The following TOX variants were observed in gnomAD, a reference collection of about 807,000 sequenced individuals.
TOX encodes thymocyte selection-associated high mobility group box protein TOX.
TOX carries 11 observed loss-of-function variants against 53.7 expected under a neutral mutation model. The observed-to-expected ratio is 0.20, with a 90% CI of 0.13 to 0.34. The LOEUF (loss-of-function observed/expected upper bound fraction) is 0.34, where lower values mean the gene tolerates loss of function less well. Ranked by LOEUF, TOX falls within the 10% of genes least tolerant of loss-of-function variation. The pLI, the probability that TOX is intolerant of heterozygous loss-of-function variation, is 1.00. For missense variants in TOX, 570 were observed against 664.6 expected (o/e 0.86, Z 1.56); for synonymous variants, 225 against 245.3 (o/e 0.92, Z 0.77).
chr8:58,829,640 T>C (rs1810420490), intron 5 of TOX, among the ~76,000 whole-genome samples: 1 of 152,132 alleles, frequency 6.6e-6, no homozygotes, highest in South Asian at 2.1e-4. Context: ...ACCTCAATCT[T>C]TGAGAACTAC....
chr8:58,891,941 C>T (rs11784291), intron 3 of TOX, among the ~76,000 whole-genome samples: 2 of 152,024 alleles, frequency 1.3e-5, no homozygotes, highest in Non-Finnish European at 2.9e-5. Context: ...GTCAGCTACT[C>T]GCATCACCCG....
At chr8:58,885,688 C>T (rs2129171325) in intron 3 of TOX, among the ~76,000 whole-genome samples, 1 of 152,232 alleles carries the variant, frequency 6.6e-6, no homozygotes, top group African/African-American at 2.4e-5. Flanking sequence ...CACATAAGTC[C>T]ATGGTGGACA....
rs1491038466 is a variant in TOX at position 58,963,316 on chromosome 8, TAG to T, written c.103-3310_103-3309del. On this transcript the variant is annotated intron_variant, in intron 1 of 8. Transcript: ENST00000361421. ...GAAGATAGATAGATAGATATATATA[TAG>T]ATAGATAGATAGATAGATAGATAGG... Among the ~76,000 whole-genome samples, 257 of 141,238 alleles carry T rather than the reference TAG, an allele frequency of 1.8e-3. 1 individual carries two copies. Among genetic ancestry groups the T allele is most frequent in the African/African-American group, 5.9e-3 (228 of 38,612 alleles). 92.7% of individuals were successfully genotyped at this position (141,238 alleles called of 152,430 possible).
chr8:58,959,848 C>A, intron 2 of TOX, 95 bp downstream of exon 2: 3 of 1,232,614 alleles, frequency 2.4e-6, no homozygotes, highest in East Asian at 4.7e-5. Flanking sequence ...TTCCTGATTG[C>A]GGCAGTTACT....
intron 1 of TOX, among the ~76,000 whole-genome samples, chr8:59,082,517 C>T (rs1804427871): frequency 1.3e-5 from 2 of 152,212 alleles, no homozygotes; most frequent in African/African-American, 4.8e-5. Flanking sequence ...GCCCATATGT[C>T]CTTTACATCT....
chr8:58,960,130 G>A (rs1585925540), intron 1 of TOX, 122 bp from the exon 2 acceptor site: 2 of 1,034,134 alleles, frequency 1.9e-6, no homozygotes, highest in Non-Finnish European at 2.9e-6. Flanking sequence ...AAATACTGCG[G>A]CTGGGACTAT....
chr8:59,021,935 T>C (rs1814144213), intron 1 of TOX, among the ~76,000 whole-genome samples: 2 of 152,290 alleles, frequency 1.3e-5, no homozygotes, highest in South Asian at 2.1e-4. Flanking sequence ...CAAATCATCA[T>C]TTAGTCAGTC....
At chr8:58,972,532 C>T (rs1354774689) in intron 1 of TOX, among the ~76,000 whole-genome samples, 1 of 152,094 alleles carries the variant, frequency 6.6e-6, no homozygotes, top group East Asian at 1.9e-4. Context: ...GATATGTCTC[C>T]TATAACATTT....
At chr8:58,965,662 T>C (rs1456898355) in intron 1 of TOX, among the ~76,000 whole-genome samples, 1 of 152,068 alleles carries the variant, frequency 6.6e-6, no homozygotes, top group Non-Finnish European at 1.5e-5. Flanking sequence ...CAGTACCACA[T>C]TGTATTGCCT....
At chr8:59,083,699 C>G (rs1009920446) in intron 1 of TOX, among the ~76,000 whole-genome samples, 1 of 152,128 alleles carries the variant, frequency 6.6e-6, no homozygotes, top group African/African-American at 2.4e-5. Flanking sequence ...CTGCTACTGA[C>G]AATAATGTAG....
chr8:58,948,059 A>C (rs1812553176), intron 2 of TOX, among the ~76,000 whole-genome samples: 1 of 152,184 alleles, frequency 6.6e-6, no homozygotes, highest in Non-Finnish European at 1.5e-5. Context: ...ATGAAAAGCC[A>C]GTGTGCAAAG....
chr8:58,868,865 G>GA (rs61357991), intron 3 of TOX, among the ~76,000 whole-genome samples: 50,088 of 140,700 alleles, frequency 0.36, 8,821 homozygotes, highest in African/African-American at 0.38. Context: ...AAAAGAACAG[G>GA]AAAAAAAAAA....
intron 3 of TOX, among the ~76,000 whole-genome samples, chr8:58,930,354 C>T (rs1812238041): frequency 6.6e-6 from 1 of 152,190 alleles, no homozygotes; most frequent in Non-Finnish European, 1.5e-5. Flanking sequence ...GCATTGCTAT[C>T]AGCAGTTTCT....
chr8:58,970,123 C>T (rs1812976179), intron 1 of TOX, among the ~76,000 whole-genome samples: 1 of 152,208 alleles, frequency 6.6e-6, no homozygotes, highest in East Asian at 1.9e-4. Context: ...CAGGTACACA[C>T]ATGCATTAAC....
At chr8:58,884,851 T>G (rs1051555186) in intron 3 of TOX, among the ~76,000 whole-genome samples, 1 of 152,162 alleles carries the variant, frequency 6.6e-6, no homozygotes, top group Non-Finnish European at 1.5e-5. Context: ...CTTAATATTA[T>G]TTGCATGCAT....
chr8:58,839,622 T>G (rs1810609982), intron 4 of TOX, among the ~76,000 whole-genome samples: 1 of 152,180 alleles, frequency 6.6e-6, no homozygotes, highest in Non-Finnish European at 1.5e-5. Flanking sequence ...ATTATATGAG[T>G]CTACATGAAT....
intron 3 of TOX, among the ~76,000 whole-genome samples, chr8:58,925,536 C>T (rs10091865): frequency 0.013 from 1,969 of 152,214 alleles, 56 homozygotes; most frequent in African/African-American, 0.045. Flanking sequence ...TAATCCACAC[C>T]ACAAGAGGAA....
chr8:58,841,808 G>A (rs6471754), intron 4 of TOX, among the ~76,000 whole-genome samples: 28,763 of 152,034 alleles, frequency 0.19, 4,166 homozygotes, highest in African/African-American at 0.41. Context: ...CCTCAATAAA[G>A]CTGCAAAAAG....
intron 1 of TOX, among the ~76,000 whole-genome samples, chr8:59,048,526 C>A (rs1300683328): frequency 6.6e-6 from 1 of 152,144 alleles, no homozygotes; most frequent in Non-Finnish European, 1.5e-5. Flanking sequence ...CTTCTGGCTT[C>A]AAGTTAATAG....
Sources: allele counts gnomAD v4.1 joint callset (sites outside exome capture counted in the v4.1 genomes callset), GRCh38; gene constraint gnomAD v4.1.1; transcripts MANE v1.5; gene names NCBI Gene and HGNC (gene_info 2026-07-23, HGNC 2026-07-21).